The following APBA1 variants were observed in gnomAD, a reference collection of about 807,000 sequenced individuals.
APBA1 encodes the protein amyloid-beta A4 precursor protein-binding family A member 1.
A neutral mutation model predicts 86.6 loss-of-function variants in APBA1; 55 were observed. That is an observed-to-expected ratio of 0.64 (90% CI 0.51 to 0.80). The LOEUF is 0.80. Ranked by LOEUF, APBA1 falls within the 30% of genes least tolerant of loss-of-function variation. The pLI is 0.00. For synonymous variants in APBA1, 511 were observed against 493.9 expected, an observed-to-expected ratio of 1.03 and a Z score of -0.46; for missense variants, 1,090 against 1,183.0, an observed-to-expected ratio of 0.92 and a Z score of 1.15.
At chr9:69,482,521 G>A (rs1439254155) in intron 2 of APBA1, among the ~76,000 whole-genome samples, 2 of 151,004 alleles carry the variant, frequency 1.3e-5, no homozygotes, top group African/African-American at 4.9e-5. Flanking sequence ...TTACACTGTT[G>A]GTGGGACTGT....
intron 1 of APBA1, among the ~76,000 whole-genome samples, chr9:69,666,182 T>C (rs940481096): frequency 1.3e-5 from 2 of 152,238 alleles, no homozygotes; most frequent in African/African-American, 4.8e-5. Context: ...CCTAAGTGAC[T>C]GCTCCAGGTA....
In APBA1 at chr9:69,665,174, T is replaced by C. The variant is rs561635552; in HGVS notation, c.-70+6979A>G. On this transcript the variant is annotated intron_variant, in intron 1 of 12. Transcript: ENST00000265381. ...GGGAAATGGTGGATAAAGACCCCAC[T>C]TTCTCCACTGCTTGGTGGACAATCC... Among the ~76,000 whole-genome samples, 331 of 152,298 alleles carry C rather than the reference T, an allele frequency of 2.2e-3. 1 individual carries two copies. Among genetic ancestry groups the C allele is most frequent in the African/African-American group, 7.5e-3 (310 of 41,556 alleles).
At chr9:69,656,815 A>G (rs1588415142) in intron 1 of APBA1, among the ~76,000 whole-genome samples, 1 of 150,630 alleles carries the variant, frequency 6.6e-6, no homozygotes, top group African/African-American at 2.4e-5. Flanking sequence ...CAAACTTTTC[A>G]CCACTTAAGA....
intron 1 of APBA1, among the ~76,000 whole-genome samples, chr9:69,585,880 C>A (rs182407815): frequency 9.7e-4 from 147 of 152,266 alleles, no homozygotes; most frequent in South Asian, 3.9e-3. Flanking sequence ...CCCCAAAACC[C>A]AAATCCAGCC....
At chr9:69,596,921 G>C (rs1015371011) in intron 1 of APBA1, among the ~76,000 whole-genome samples, 1 of 152,228 alleles carries the variant, frequency 6.6e-6, no homozygotes, top group Non-Finnish European at 1.5e-5. Context: ...AGCTGAAATG[G>C]TAGTGGCTAC....
At chr9:69,557,878 G>A (rs1836887449) in intron 1 of APBA1, among the ~76,000 whole-genome samples, 1 of 152,168 alleles carries the variant, frequency 6.6e-6, no homozygotes, top group Non-Finnish European at 1.5e-5. Flanking sequence ...ATGTATGTAT[G>A]TTGTGCTTGA....
chr9:69,491,991 C>T (rs1159195424), intron 2 of APBA1, among the ~76,000 whole-genome samples: 1 of 152,048 alleles, frequency 6.6e-6, no homozygotes, highest in Non-Finnish European at 1.5e-5. Context: ...TCTCGAACTC[C>T]TGACCTCAAG....
At chr9:69,583,621 G>A (rs983667576) in intron 1 of APBA1, among the ~76,000 whole-genome samples, 3 of 152,190 alleles carry the variant, frequency 2.0e-5, no homozygotes, top group African/African-American at 7.2e-5. Context: ...GATTTAAAAT[G>A]TTAAAAATCA....
At chr9:69,520,464 G>A (rs1022753212) in intron 1 of APBA1, among the ~76,000 whole-genome samples, 44 of 152,124 alleles carry the variant, frequency 2.9e-4, no homozygotes, top group Middle Eastern at 3.2e-3. Flanking sequence ...GTTTCTCACA[G>A]TATTTTCTTC....
At chr9:69,531,611 C>A (rs757505607) in intron 1 of APBA1, among the ~76,000 whole-genome samples, 4 of 152,142 alleles carry the variant, frequency 2.6e-5, no homozygotes, top group African/African-American at 4.8e-5. Context: ...GTTGCATGAC[C>A]ACAGCTCACC....
At chr9:69,519,428 A>G (rs2133893678) in intron 1 of APBA1, among the ~76,000 whole-genome samples, 1 of 152,366 alleles carries the variant, frequency 6.6e-6, no homozygotes, top group African/African-American at 2.4e-5. Flanking sequence ...CAAAACAAAT[A>G]TTCAATTCAA....
At chr9:69,651,448 C>A (rs142132190) in intron 1 of APBA1, among the ~76,000 whole-genome samples, 2 of 151,966 alleles carry the variant, frequency 1.3e-5, no homozygotes, top group African/African-American at 4.8e-5. Context: ...ACAATCTTCC[C>A]GACCAGTAAT....
intron 1 of APBA1, among the ~76,000 whole-genome samples, chr9:69,582,909 A>G (rs1433470052): frequency 6.6e-6 from 1 of 152,216 alleles, no homozygotes; most frequent in East Asian, 1.9e-4. Context: ...AATGAAACAA[A>G]TGAATGAAGA....
intron 2 of APBA1, among the ~76,000 whole-genome samples, chr9:69,489,574 A>T (rs1046804446): frequency 1.3e-5 from 2 of 152,108 alleles, no homozygotes; most frequent in Admixed American, 6.5e-5. Flanking sequence ...CAACCTACTC[A>T]TCTGACAAAG....
intron 1 of APBA1, among the ~76,000 whole-genome samples, chr9:69,615,424 T>C (rs931781777): frequency 8.5e-5 from 13 of 152,170 alleles, no homozygotes; most frequent in African/African-American, 2.7e-4. Flanking sequence ...ATTGGAAACA[T>C]TGGTTATACT....
At chr9:69,632,498 TC>T (rs1430318967) in intron 1 of APBA1, among the ~76,000 whole-genome samples, 2 of 152,150 alleles carry the variant, frequency 1.3e-5, no homozygotes, top group Admixed American at 6.5e-5. Flanking sequence ...TGCAGTTTCC[TC>T]AACTATATAA....
At chr9:69,476,009 A>G in intron 3 of APBA1, 39 bp downstream of exon 3, 1 of 1,559,384 alleles carries the variant, frequency 6.4e-7, no homozygotes, top group Non-Finnish European at 8.8e-7. Flanking sequence ...GAGTAAAGCA[A>G]AATGGCCCAA....
intron 1 of APBA1, among the ~76,000 whole-genome samples, chr9:69,665,511 A>G (rs1823826528): frequency 6.6e-6 from 1 of 152,140 alleles, no homozygotes; most frequent in South Asian, 2.1e-4. Flanking sequence ...AGTTACTTAA[A>G]TCTTTGGAAA....
intron 1 of APBA1, among the ~76,000 whole-genome samples, chr9:69,660,491 G>T (rs780209533): frequency 2.6e-5 from 4 of 152,170 alleles, no homozygotes; most frequent in Non-Finnish European, 5.9e-5. Flanking sequence ...CGCTTTTCAT[G>T]CTGAAATGTT....
Sources: gnomAD v4.1 joint callset for allele counts (sites outside exome capture counted in the v4.1 genomes callset) on GRCh38, gnomAD v4.1.1 for gene constraint, MANE v1.5 for transcripts, NCBI Gene and HGNC (gene_info 2026-07-23, HGNC 2026-07-21) for gene names.